Variants in TPGS2 observed in about 807,000 individuals in gnomAD.
TPGS2 encodes tubulin polyglutamylase complex subunit 2, also known as polyglutamylase subunit 2.
A neutral mutation model predicts 31.1 loss-of-function variants in TPGS2; 26 were observed. The observed-to-expected ratio is 0.84, with a 90% CI of 0.61 to 1.16. The LOEUF is 1.16. Among genes scored for constraint, TPGS2 ranks in the 50% most tolerant of loss-of-function variants. The pLI is 0.00. For missense variants in TPGS2, 351 were observed against 363.8 expected (o/e 0.96, Z 0.29); for synonymous variants, 130 against 136.6 (o/e 0.95, Z 0.34).
intron 1 of TPGS2, among the ~76,000 whole-genome samples, chr18:36,821,742 G>C (rs2045903367): frequency 6.6e-6 from 1 of 152,214 alleles, no homozygotes; most frequent in Non-Finnish European, 1.5e-5. Context: ...GACAAAGACT[G>C]AGTGAGTGAT....
chr18:36,815,763 C>T (rs993877436), intron 2 of TPGS2, among the ~76,000 whole-genome samples: 3 of 152,254 alleles, frequency 2.0e-5, no homozygotes, highest in Admixed American at 6.5e-5. Context: ...TTACAAGCCC[C>T]GACATGCCAA....
At chr18:36,811,460 A>T (rs1265391631) in intron 2 of TPGS2, among the ~76,000 whole-genome samples, 1 of 152,206 alleles carries the variant, frequency 6.6e-6, no homozygotes, top group Non-Finnish European at 1.5e-5. Context: ...GAAGAAAAAA[A>T]TATATAAATA....
At chr18:36,792,824 G>A (rs762697958), downstream of TPGS2, among the ~76,000 whole-genome samples, 4 of 152,218 alleles carry the variant, frequency 2.6e-5, no homozygotes, top group Non-Finnish European at 4.4e-5. Flanking sequence ...GCAGCATGAT[G>A]ATGTAGCACT....
chr18:36,782,060 G>A (rs554118348), downstream of TPGS2: 1 of 491,754 alleles, frequency 2.0e-6, no homozygotes, highest in East Asian at 1.5e-4. Flanking sequence ...GATTTGGAAT[G>A]TTTGTATGAC....
downstream of TPGS2, chr18:36,780,200 T>C (rs995690539): frequency 1.6e-6 from 2 of 1,231,584 alleles, no homozygotes; most frequent in South Asian, 4.1e-5. Context: ...TGTATTTTGT[T>C]AATAGAGTGA....
At chr18:36,810,531 G>A (rs1054780768) in intron 2 of TPGS2, among the ~76,000 whole-genome samples, 1 of 152,114 alleles carries the variant, frequency 6.6e-6, no homozygotes, top group Non-Finnish European at 1.5e-5. Flanking sequence ...GGAGGAGGAA[G>A]ATCGGCAGAA....
chr18:36,828,360 G>T (rs1193897246), intron 1 of TPGS2, among the ~76,000 whole-genome samples: 1 of 152,118 alleles, frequency 6.6e-6, no homozygotes, highest in African/African-American at 2.4e-5. Context: ...CTCCTAGGGG[G>T]AGATCCAACT....
At chr18:36,797,390 C>T (rs1235316426) in intron 6 of TPGS2, among the ~76,000 whole-genome samples, 2 of 150,736 alleles carry the variant, frequency 1.3e-5, no homozygotes, top group African/African-American at 4.9e-5. Context: ...TTGTTCTGCC[C>T]TCAAACCAGC....
intron 1 of TPGS2, among the ~76,000 whole-genome samples, chr18:36,823,460 G>GTTTTTTTTTTTTTT (rs919277214): frequency 0.021 from 2,250 of 107,906 alleles, 175 homozygotes; most frequent in Non-Finnish European, 0.032. Flanking sequence ...TTAACAGCTT[G>GTTTTTTTTTTTTTT]TTTTTTTTTT....
chr18:36,786,851 G>A, intron 6 of TPGS2: 1 of 1,234,310 alleles, frequency 8.1e-7, no homozygotes, highest in Non-Finnish European at 1.0e-6. Flanking sequence ...GTGAAAAATA[G>A]CACATTCTTG....
chr18:36,790,506 G>C (rs188590631), downstream of TPGS2, among the ~76,000 whole-genome samples: 2 of 152,200 alleles, frequency 1.3e-5, no homozygotes, highest in African/African-American at 4.8e-5. Flanking sequence ...AGTTTACAAA[G>C]ATCCCATTTT....
At position 36,800,323 on chromosome 18, in the gene TPGS2, G is replaced by C. The variant is rs1183556136; in HGVS notation, c.383-12C>G. The C allele has an allele frequency of 1.2e-6, 2 of 1,611,304 alleles. No homozygotes were observed. The highest frequency in any genetic ancestry group is 2.7e-5 in the African/African-American group (2 of 74,870). On this transcript the variant is annotated splice_polypyrimidine_tract_variant and intron_variant, in intron 4 of 6. Transcript: ENST00000334295. ...CTGATCATCACTGGCTGCAAACCCA[G>C]AAGTTAATGGTAATGTTCAAACAAA...
Position 36,828,713 on chromosome 18 carries a change from T to C in TPGS2, c.55A>G (p.Lys19Glu), listed in dbSNP as rs373531039. The C allele has an allele frequency of 3.7e-6, 6 of 1,613,920 alleles. No individual in the cohort carries two copies. The African/African-American group carries it at 6.7e-5, about 18-fold the overall frequency. The stretch of plus-strand genomic sequence containing the variant: ...ATGCGCGTGATGCCCAGGGTCAGCT[T>C]CTCCAGGTGCGGCTTGCTGCAGCCC... ...GLGCSKPHLE[K>E]LTLGITRILE... The change falls in exon 1 of 7, where the codon AAG (lysine) becomes GAG (glutamate). Residue 19 changes from lysine (K) to glutamate (E), a missense_variant. Lys to Glu is a moderately conservative substitution (Grantham distance 56). Transcript: ENST00000334295.
chr18:36,782,905 TTCTC>T, downstream of TPGS2: 1 of 391,642 alleles, frequency 2.6e-6, no homozygotes, highest in Non-Finnish European at 4.5e-6. Flanking sequence ...CTCTTGCCAC[TTCTC>T]TCTTTTTTCT....
chr18:36,798,415 C>T (rs1250912950), intron 6 of TPGS2, 34 bp downstream of exon 6: 11 of 1,613,554 alleles, frequency 6.8e-6, no homozygotes, highest in Non-Finnish European at 9.3e-6. Flanking sequence ...TTGGAATATA[C>T]CATAGTTTAC....
intron 4 of TPGS2, among the ~76,000 whole-genome samples, chr18:36,803,368 T>G (rs2044934259): frequency 6.6e-6 from 1 of 152,196 alleles, no homozygotes; most frequent in South Asian, 2.1e-4. Context: ...TGTGTCCTCA[T>G]CTGCTGAGTT....
At chr18:36,793,595 A>G (rs1250549229), downstream of TPGS2, among the ~76,000 whole-genome samples, 1 of 152,222 alleles carries the variant, frequency 6.6e-6, no homozygotes, top group Non-Finnish European at 1.5e-5. Flanking sequence ...TGAAACAGTA[A>G]CAGTTGAGTT....
chr18:36,813,637 A>G (rs920611009), intron 2 of TPGS2, among the ~76,000 whole-genome samples: 2 of 152,242 alleles, frequency 1.3e-5, no homozygotes, highest in Non-Finnish European at 2.9e-5. Context: ...AGCATAAACT[A>G]TCTGGTCCTC....
rs2044462531 is a variant in TPGS2 at position 36,795,018 on chromosome 18, T to C, written c.*1787A>G. On this transcript the variant is annotated 3_prime_UTR_variant, in exon 7 of 7. Transcript: ENST00000334295. ...GCTCCCAAAGACTCTTAAGCGCTGA[T>C]ATTTCAAGACTTTGAACTATTACAA... is the stretch of plus-strand genomic sequence containing the variant. The C allele has an allele frequency of 1.0e-6, 1 of 985,336 alleles. No homozygotes were observed. 61.0% of individuals were successfully genotyped at this position (985,336 alleles called of 1,614,324 possible).
Sources: gnomAD v4.1 joint callset for allele counts (sites outside exome capture counted in the v4.1 genomes callset) on GRCh38, gnomAD v4.1.1 for gene constraint, MANE v1.5 for transcripts, NCBI Gene and HGNC (gene_info 2026-07-23, HGNC 2026-07-21) for gene names.